Variants in CCNY observed in about 807,000 individuals in gnomAD.
CCNY encodes the protein cyclin-Y.
In CCNY, 19 loss-of-function variants were observed where a neutral mutation model predicts 42.8. The ratio of observed to expected loss-of-function variants is 0.44; its 90% confidence interval spans 0.31 to 0.65. The LOEUF (loss-of-function observed/expected upper bound fraction) is 0.65. Among genes scored for constraint, CCNY ranks in the 30% least tolerant of loss-of-function variants. The pLI, the probability that CCNY is intolerant of heterozygous loss-of-function variation, is 0.07. For missense variants in CCNY, 370 were observed against 437.3 expected, an observed-to-expected ratio of 0.85 and a Z score of 1.37; for synonymous variants, 165 against 162.7, an observed-to-expected ratio of 1.01 and a Z score of -0.11.
At chr10:35,455,783 G>T (rs1839016011) in intron 1 of CCNY, among the ~76,000 whole-genome samples, 1 of 147,006 alleles carries the variant, frequency 6.8e-6, no homozygotes, top group Non-Finnish European at 1.5e-5. Flanking sequence ...GTGATCCTCT[G>T]ATGGCTCCAA....
At chr10:35,403,315 T>G (rs1394507135) in intron 1 of CCNY, among the ~76,000 whole-genome samples, 2 of 152,112 alleles carry the variant, frequency 1.3e-5, no homozygotes, top group African/African-American at 4.8e-5. Context: ...AATGGGCTTG[T>G]GAGGCTGGAA....
chr10:35,500,758 C>T (rs1840095048), intron 2 of CCNY, among the ~76,000 whole-genome samples: 1 of 152,238 alleles, frequency 6.6e-6, no homozygotes, highest in African/African-American at 2.4e-5. Flanking sequence ...TTCTACCTCT[C>T]TGGGGCAGCA....
intron 3 of CCNY, among the ~76,000 whole-genome samples, chr10:35,307,336 C>T (rs1027714955): frequency 6.6e-6 from 1 of 152,224 alleles, no homozygotes; most frequent in Non-Finnish European, 1.5e-5. Flanking sequence ...AAAAAAGAGT[C>T]AGCCCAGGTG....
intron 3 of CCNY, among the ~76,000 whole-genome samples, chr10:35,289,633 G>A (rs971557730): frequency 3.9e-5 from 6 of 152,094 alleles, no homozygotes; most frequent in South Asian, 2.1e-4. Context: ...CTGCACTTTG[G>A]GAGGTCAAGG....
intron 3 of CCNY, among the ~76,000 whole-genome samples, chr10:35,329,149 T>C (rs1835912078): frequency 6.6e-6 from 1 of 152,238 alleles, no homozygotes. Context: ...TATGGCAATA[T>C]TAAGAGATTT....
At chr10:35,560,917 G>A (rs117308884) in intron 8 of CCNY, among the ~76,000 whole-genome samples, 3,927 of 152,290 alleles carry the variant, frequency 0.026, 65 homozygotes, top group Non-Finnish European at 0.041. Flanking sequence ...ATGGGGAGAG[G>A]AGGTAGCACA....
rs3003988 is a variant in CCNY at position 35,400,864 on chromosome 10, T to G, written c.154+63657T>G. On this transcript the variant is annotated intron_variant, in intron 1 of 9. Transcript: ENST00000374704. ...TTGCTGTGGAAACTCTAGCATGACT[T>G]CCCAGACTACTGTGTGTTTTTTAAT... 9.3e-3 allele frequency among the ~76,000 whole-genome samples: 1,415 copies of G among 152,324 alleles called. 17 individuals carry two copies. The highest frequency in any genetic ancestry group is 0.015 in the Non-Finnish European group (1,028 of 68,022).
intron 1 of CCNY, among the ~76,000 whole-genome samples, chr10:35,368,437 T>G (rs2135169081): frequency 6.6e-6 from 1 of 152,356 alleles, no homozygotes; most frequent in East Asian, 1.9e-4. Flanking sequence ...AAATTAAACT[T>G]TTTTGCCATT....
chr10:35,406,892 G>A (rs1031237072), intron 1 of CCNY, among the ~76,000 whole-genome samples: 11 of 152,076 alleles, frequency 7.2e-5, no homozygotes, highest in Non-Finnish European at 2.9e-5. Context: ...CCGTCGGGGC[G>A]GCCGGCCAGG....
At chr10:35,453,902 A>G (rs956096006) in intron 1 of CCNY, among the ~76,000 whole-genome samples, 3 of 152,210 alleles carry the variant, frequency 2.0e-5, no homozygotes, top group Admixed American at 2.0e-4. Flanking sequence ...ACATGAAACA[A>G]TATTTGTCTT....
intron 1 of CCNY, among the ~76,000 whole-genome samples, chr10:35,419,533 CTTTT>C (rs34429228): frequency 7.7e-6 from 1 of 129,686 alleles, no homozygotes; most frequent in African/African-American, 3.2e-5. Flanking sequence ...TAGACCGTTC[CTTTT>C]TTTTTTTTTT....
intron 3 of CCNY, among the ~76,000 whole-genome samples, chr10:35,281,514 G>A (rs888196828): frequency 2.6e-5 from 4 of 151,950 alleles, no homozygotes; most frequent in Admixed American, 2.6e-4. Flanking sequence ...ATCTTGGCCA[G>A]GCTGGTCTTG....
In CCNY at chr10:35,530,082, C is replaced by T. The variant is rs750022109; in HGVS notation, c.460-42C>T. ...ATGATTTAATTATTTCTCTTTTGCT[C>T]CAATCGGGAGATCAGTCATCTGAAA... On this transcript the variant is annotated intron_variant, in intron 6 of 9. Transcript: ENST00000374704. The surrounding 1 kb of genome is among the most constrained non-coding windows in gnomAD (Gnocchi z 4.3). The T allele has an allele frequency of 6.2e-7, 1 of 1,614,096 alleles. No homozygotes were observed. The highest frequency in any genetic ancestry group is 1.1e-5 in the South Asian group (1 of 91,084).
intron 3 of CCNY, among the ~76,000 whole-genome samples, chr10:35,515,558 A>T (rs900708857): frequency 8.5e-5 from 13 of 152,200 alleles, no homozygotes; most frequent in Non-Finnish European, 1.6e-4. Context: ...GCAGGCGGGC[A>T]GGTCAGGCAG....
intron 1 of CCNY, among the ~76,000 whole-genome samples, chr10:35,407,383 C>T (rs183805902): frequency 5.3e-5 from 8 of 151,990 alleles, no homozygotes; most frequent in African/African-American, 1.4e-4. Context: ...GACTCAGAGA[C>T]GCTTGGGGTT....
intron 1 of CCNY, among the ~76,000 whole-genome samples, chr10:35,356,831 A>T (rs113144807): frequency 0.01 from 1,546 of 152,234 alleles, 24 homozygotes; most frequent in African/African-American, 0.035. Context: ...TTAACAGATG[A>T]GGAGTTGATC....
chr10:35,481,801 C>T (rs901307645), intron 1 of CCNY, among the ~76,000 whole-genome samples: 2 of 152,174 alleles, frequency 1.3e-5, no homozygotes, highest in African/African-American at 4.8e-5. Flanking sequence ...TATTTAACCC[C>T]TTTTATATCC....
At chr10:35,555,293 T>A (rs1841341748) in intron 8 of CCNY, among the ~76,000 whole-genome samples, 1 of 152,246 alleles carries the variant, frequency 6.6e-6, no homozygotes. Context: ...TGTGTACTGG[T>A]CCTCAGTTAC....
At chr10:35,493,300 C>T (rs1024763003) in intron 2 of CCNY, among the ~76,000 whole-genome samples, 6 of 152,216 alleles carry the variant, frequency 3.9e-5, no homozygotes, top group Non-Finnish European at 8.8e-5. Flanking sequence ...ATAATTCCCC[C>T]AGGCTGGGGG....
Sources: gnomAD v4.1 joint callset for allele counts (sites outside exome capture counted in the v4.1 genomes callset) on GRCh38, gnomAD v4.1.1 for gene constraint, Gnocchi (gnomAD v3.1) non-coding constraint, MANE v1.5 for transcripts, NCBI Gene and HGNC (gene_info 2026-07-23, HGNC 2026-07-21) for gene names.